The following STYXL1 variants were observed in gnomAD, a reference collection of about 807,000 sequenced individuals.
STYXL1 encodes serine/threonine/tyrosine-interacting-like protein 1.
Under a neutral mutation model 36.4 loss-of-function variants are expected in STYXL1, and 32 were observed. That is an observed-to-expected ratio of 0.88 (90% CI 0.66 to 1.18). STYXL1 has a LOEUF of 1.18. Among genes scored for constraint, STYXL1 ranks in the 50% most tolerant of loss-of-function variants. The pLI is 0.00. For synonymous variants in STYXL1, 133 were observed against 144.1 expected (o/e 0.92, Z 0.55); for missense variants, 354 against 394.1 (o/e 0.90, Z 0.86).
chr7:76,035,831 G>C lies in STYXL1; in HGVS notation c.-4-5304C>G, dbSNP rs1298329765. Among the ~76,000 whole-genome samples the C allele has an allele frequency of 2.7e-5, 4 of 149,684 alleles. 1 individual carries two copies. Among genetic ancestry groups the C allele is most frequent in the Non-Finnish European group, 6.0e-5 (4 of 67,018 alleles). On this transcript the variant is annotated intron_variant, in intron 1 of 8. Transcript: ENST00000359697. ...ACTCACTAGCCAAAGAATCATCTCTGGTCCTATAGATAAAAACCCAGCCCC... is the reference window on the plus strand; with the variant it reads ...ACTCACTAGCCAAAGAATCATCTCTCGTCCTATAGATAAAAACCCAGCCCC...
chr7:76,023,354 C>T (rs1554576753), intron 3 of STYXL1, among the ~76,000 whole-genome samples: 1 of 151,980 alleles, frequency 6.6e-6, no homozygotes, highest in East Asian at 1.9e-4. Flanking sequence ...ATCACTGTGG[C>T]CAGCGTTCTG....
chr7:76,037,572 T>C (rs142054032), intron 1 of STYXL1, among the ~76,000 whole-genome samples: 1,688 of 150,132 alleles, frequency 0.011, 95 homozygotes, highest in African/African-American at 0.037. Flanking sequence ...CTGTGTCTGC[T>C]CAACACCCAG....
chr7:76,031,254 C>T (rs782654659), intron 1 of STYXL1, among the ~76,000 whole-genome samples: 7 of 140,270 alleles, frequency 5.0e-5, no homozygotes, highest in Non-Finnish European at 9.0e-5. Context: ...TCACTTGAAC[C>T]TGGGAGGCAG....
Position 76,034,807 on chromosome 7 carries a change from G to C in STYXL1, c.-4-4280C>G, listed in dbSNP as rs994455048. On this transcript the variant is annotated intron_variant, in intron 1 of 8. Coordinates refer to ENST00000359697, the MANE Select transcript of STYXL1 (RefSeq NM_001317785.2). ...ATCACTAAGGGTCCCCTGGAAGAAG[G>C]GGGCAAGATCACCCGTAGCTGAGGA... 3.3e-5 allele frequency among the ~76,000 whole-genome samples: 5 copies of C among 152,144 alleles called. No homozygotes were observed. In the South Asian group the frequency reaches 8.3e-4, roughly 25 times the overall value.
intron 1 of STYXL1, among the ~76,000 whole-genome samples, chr7:76,043,674 G>A (rs539342066): frequency 4.6e-5 from 7 of 152,130 alleles, no homozygotes; most frequent in Admixed American, 2.6e-4. Flanking sequence ...GCCAGATGTC[G>A]AAGGGGCTTT....
At chr7:76,013,635 A>G (rs116941842) in intron 5 of STYXL1, 107 bp downstream of exon 5, 2 of 1,506,060 alleles carry the variant, frequency 1.3e-6, no homozygotes, top group East Asian at 2.3e-5. Context: ...CACTTTCTCT[A>G]TATCCTCTGT....
At chr7:76,009,692 A>G (rs1792318986) in intron 5 of STYXL1, among the ~76,000 whole-genome samples, 1 of 152,212 alleles carries the variant, frequency 6.6e-6, no homozygotes, top group Non-Finnish European at 1.5e-5. Context: ...TACAGGCGTG[A>G]GCCTCCAAGC....
At chr7:76,031,758 A>G (rs1256429825) in intron 1 of STYXL1, among the ~76,000 whole-genome samples, 2 of 152,128 alleles carry the variant, frequency 1.3e-5, no homozygotes, top group Non-Finnish European at 2.9e-5. Context: ...CAGAGAATAA[A>G]ATCTTGAATA....
In STYXL1 at chr7:76,024,948, C is replaced by CA. The variant is rs56728505; in HGVS notation, c.166-2957dup. Among the ~76,000 whole-genome samples the CA allele has an allele frequency of 9.3e-3, 675 of 72,362 alleles. 37 individuals are homozygous for CA. The highest frequency in any genetic ancestry group is 0.035 in the African/African-American group (580 of 16,584). 47.5% of individuals were successfully genotyped at this position (72,362 alleles called of 152,430 possible). A position where few individuals can be genotyped will look rare whatever the true frequency, so the allele number is the denominator to read the frequency against. ...TGGGCGACAGAGTGAGACTCTGTCT[C>CA]AAAAAAAAAAAAAAAAAAAAATTCA... On this transcript the variant is annotated intron_variant, in intron 3 of 8. Transcript: ENST00000359697.
rs183183701 is a variant in STYXL1, at chr7:76,036,782, C to A, written c.-4-6255G>T. Among the ~76,000 whole-genome samples the A allele has an allele frequency of 3.0e-5, 3 of 101,614 alleles. No individual in the cohort carries two copies. The East Asian group carries it at 8.1e-4, about 28-fold the overall frequency. The allele number at this position is 101,614 out of a possible 152,430, so 66.7% of individuals were successfully genotyped here. A position where few individuals can be genotyped will look rare whatever the true frequency, so the allele number is the denominator to read the frequency against. On this transcript the variant is annotated intron_variant, in intron 1 of 8. Coordinates refer to ENST00000359697, the MANE Select transcript of STYXL1 (RefSeq NM_001317785.2). ...AGGACTCTTTCAACACAGTATAGCT[C>A]TTTTTTTTTTTTTTTTTTTTGAGAC...
At chr7:76,041,872 T>A (rs1361824780) in intron 1 of STYXL1, among the ~76,000 whole-genome samples, 1 of 152,212 alleles carries the variant, frequency 6.6e-6, no homozygotes, top group Non-Finnish European at 1.5e-5. Context: ...GAAAGGAGCA[T>A]GAGAGAACTT....
At chr7:75,998,813 C>G (rs1371598507) in intron 8 of STYXL1, 1 of 152,164 alleles carries the variant, frequency 6.6e-6, no homozygotes, top group Non-Finnish European at 1.5e-5. Context: ...ACAGAAGACA[C>G]AAATTACTAA....
At chr7:75,996,779 T>C (rs1481502778) in intron 8 of STYXL1, among the ~76,000 whole-genome samples, 180 bp from the exon 9 acceptor site, 1 of 152,226 alleles carries the variant, frequency 6.6e-6, no homozygotes, top group Non-Finnish European at 1.5e-5. Flanking sequence ...TCATGGGAGC[T>C]GACTCTGCCT....
At position 76,005,884 on chromosome 7, in the gene STYXL1, AGGAGGAG is replaced by A. The variant is rs1388588863; in HGVS notation, c.454-487_454-481del. Among the ~76,000 whole-genome samples, 11 of 77,644 alleles carry A rather than the reference AGGAGGAG, an allele frequency of 1.4e-4. No individual in the cohort carries two copies. The South Asian group carries it at 3.8e-3, about 27-fold the overall frequency. The allele number at this position is 77,644 out of a possible 152,430, so 50.9% of individuals were successfully genotyped here. ...AGAGGAGGAAGAGAGAGGAGGAGAG[AGGAGGAG>A]GAGGAGGAGAGAGGAGGAGGAGGAG... On this transcript the variant is annotated intron_variant, in intron 5 of 8. Transcript: ENST00000359697.
At chr7:76,038,092 AG>A (rs1391439347) in intron 1 of STYXL1, among the ~76,000 whole-genome samples, 3 of 150,318 alleles carry the variant, frequency 2.0e-5, no homozygotes, top group Non-Finnish European at 4.5e-5. Flanking sequence ...TTCCTGAAAC[AG>A]GGGCTCACTC....
intron 1 of STYXL1, chr7:76,045,875 G>T (rs1193634652): frequency 3.3e-5 from 5 of 151,770 alleles, no homozygotes; most frequent in African/African-American, 1.2e-4. Flanking sequence ...GTCGCATGTT[G>T]GACAAAAAAA....
intron 7 of STYXL1, among the ~76,000 whole-genome samples, chr7:76,002,489 C>T (rs1385055231): frequency 5.9e-5 from 9 of 152,214 alleles, no homozygotes; most frequent in African/African-American, 2.2e-4. Flanking sequence ...AATTTATTGA[C>T]TGGCTCAGTG....
chr7:75,999,511 A>ATGTG (rs71301271), intron 8 of STYXL1, among the ~76,000 whole-genome samples: 1,221 of 95,872 alleles, frequency 0.013, 22 homozygotes, highest in African/African-American at 0.056. Flanking sequence ...GTGTGTGTGT[A>ATGTG]TGTGTGTGTG....
intron 5 of STYXL1, among the ~76,000 whole-genome samples, chr7:76,006,190 G>T (rs1791744320): frequency 6.6e-6 from 1 of 152,002 alleles, no homozygotes; most frequent in Admixed American, 6.6e-5. Context: ...TCCTACCTCA[G>T]CCTCCCAGGT....
Sources: gnomAD v4.1 joint callset for allele counts (sites outside exome capture counted in the v4.1 genomes callset) on GRCh38, gnomAD v4.1.1 for gene constraint, MANE v1.5 for transcripts, NCBI Gene and HGNC (gene_info 2026-07-23, HGNC 2026-07-21) for gene names.